The following CENPE variants were observed in gnomAD, a reference collection of about 807,000 sequenced individuals.
The protein encoded by CENPE is centromere protein E.
CENPE carries 145 observed loss-of-function variants against 336.1 expected under a neutral mutation model. The observed-to-expected ratio is 0.43, with a 90% confidence interval of 0.38 to 0.50. CENPE has a LOEUF of 0.50. Ranked by LOEUF, CENPE falls within the 20% of genes least tolerant of loss-of-function variation. The pLI is 0.00. For missense variants in CENPE, 2,719 were observed against 3,023.3 expected, an observed-to-expected ratio of 0.90 and a Z score of 2.36; for synonymous variants, 1,013 against 984.8, an observed-to-expected ratio of 1.03 and a Z score of -0.54.
At chr4:103,140,774 T>A in intron 36 of CENPE, 40 bp downstream of exon 36, 2 of 1,517,486 alleles carry the variant, frequency 1.3e-6, no homozygotes, top group South Asian at 2.7e-5. Context: ...TGCCCAAATA[T>A]GTGAATATAA....
At chr4:103,115,702 GTGA>G (rs1750033503) in intron 45 of CENPE, among the ~76,000 whole-genome samples, 1 of 151,846 alleles carries the variant, frequency 6.6e-6, no homozygotes, top group African/African-American at 2.4e-5. Flanking sequence ...ACAGTGTAAG[GTGA>G]TGCATTAGTA....
At chr4:103,125,848 C>A (rs1578560245) in intron 42 of CENPE, among the ~76,000 whole-genome samples, 1 of 118,974 alleles carries the variant, frequency 8.4e-6, no homozygotes. Flanking sequence ...GCCTGGGTGA[C>A]AGAGTGAGAC....
chr4:103,187,673 G>A (rs1416377787), intron 8 of CENPE, among the ~76,000 whole-genome samples: 3 of 152,124 alleles, frequency 2.0e-5, no homozygotes, highest in African/African-American at 4.8e-5. Context: ...AGGAACAACC[G>A]GTAATAGCCA....
At chr4:103,113,588 T>C (rs1749799692) in intron 46 of CENPE, among the ~76,000 whole-genome samples, 1 of 143,630 alleles carries the variant, frequency 7.0e-6, no homozygotes, top group African/African-American at 2.5e-5. Flanking sequence ...ATATTACTTA[T>C]ATATTACTCA....
At chr4:103,131,513 A>C (rs886766893) in intron 42 of CENPE, among the ~76,000 whole-genome samples, 2 of 152,176 alleles carry the variant, frequency 1.3e-5, no homozygotes, top group Non-Finnish European at 2.9e-5. Context: ...GGGAGTGCAA[A>C]ATGGTACCGC....
intron 28 of CENPE, among the ~76,000 whole-genome samples, chr4:103,148,625 T>C (rs1000640351): frequency 1.3e-5 from 2 of 152,210 alleles, no homozygotes; most frequent in Non-Finnish European, 2.9e-5. Flanking sequence ...AGCTACTTTC[T>C]TTCACTACAA....
At chr4:103,197,344 A>T (rs942591284) in intron 1 of CENPE, among the ~76,000 whole-genome samples, 1 of 152,208 alleles carries the variant, frequency 6.6e-6, no homozygotes, top group African/African-American at 2.4e-5. Context: ...TATTTCACTC[A>T]TGAAAAGCGT....
Position 103,146,665 on chromosome 4 carries a change from A to ATTT in CENPE, c.4135-559_4135-558insAAA, listed in dbSNP as rs1219500502. Among the ~76,000 whole-genome samples, 1,391 of 152,352 alleles carry ATTT rather than the reference A, an allele frequency of 9.1e-3. 19 individuals are homozygous for ATTT. Among genetic ancestry groups the ATTT allele is most frequent in the African/African-American group, 0.031 (1,285 of 41,588 alleles). On this transcript the variant is annotated intron_variant, in intron 29 of 48. Transcript: ENST00000265148. Reference sequence around the variant, plus strand: ...AATAAGACCGGCAAGATCTGCACCTAGGGCCTCATAGGCCACATAAAGGAT... The same window carrying ATTT: ...AATAAGACCGGCAAGATCTGCACCTATTTGGGCCTCATAGGCCACATAAAGGAT...
At position 103,163,117 on chromosome 4, in the gene CENPE, A is replaced by T. The variant is rs753765445; in HGVS notation, c.1842+20T>A. On this transcript the variant is annotated intron_variant, in intron 18 of 48. Transcript: ENST00000265148. The stretch of plus-strand genomic sequence containing the variant: ...ATATATATTTATGTGATTACACAAC[A>T]AAATACGCCTGATTTTTACCAATGA... The T allele has an allele frequency of 3.8e-6, 6 of 1,597,190 alleles. No homozygotes were observed. The highest frequency in any genetic ancestry group is 5.1e-6 in the Non-Finnish European group (6 of 1,173,478).
In CENPE at chr4:103,151,267, A is replaced by G. The variant is rs368329992; in HGVS notation, c.3348T>C (p.Ser1116=). The change falls in exon 26 of 49, where the codon TCT becomes TCC. Residue 1116 remains serine, a synonymous_variant. Transcript: ENST00000265148. ...CTTCTGCCAGTCTGTCACAGGTCCT[A>G]GAAAGCTCTCCTTCTTTCTTTATGG... ...NHAIKKEGEL[S]RTCDRLAEVE... 10 of 1,605,692 alleles carry G rather than the reference A, an allele frequency of 6.2e-6. No individual in the cohort carries two copies. In the African/African-American group the frequency reaches 1.3e-4, roughly 22 times the overall value.
intron 46 of CENPE, among the ~76,000 whole-genome samples, chr4:103,113,116 A>G (rs1444535962): frequency 5.3e-5 from 7 of 132,362 alleles, no homozygotes; most frequent in African/African-American, 1.7e-4. Flanking sequence ...ATATATACTT[A>G]TAAGTATATG....
In CENPE at chr4:103,181,460, GA is replaced by G. The variant is rs747346342; in HGVS notation, c.964-5del. The stretch of plus-strand genomic sequence containing the variant: ...TATATTTAGCAGTACTGGCAAACTG[GA>G]AAAAAAATACGAAAGTGCTAAGTGT... On this transcript the variant is annotated splice_region_variant and splice_polypyrimidine_tract_variant and intron_variant, in intron 11 of 48. Transcript: ENST00000265148. The G allele has an allele frequency of 5.9e-5, 91 of 1,546,662 alleles. No homozygotes were observed. The highest frequency in any genetic ancestry group is 3.3e-4 in the African/African-American group (23 of 70,112).
chr4:103,198,129 G>T, intron 1 of CENPE, 135 bp downstream of exon 1: 1 of 774,860 alleles, frequency 1.3e-6, no homozygotes, highest in African/African-American at 1.7e-5. Context: ...ACCCTGAAAC[G>T]ATGGCCAGCA....
intron 16 of CENPE, among the ~76,000 whole-genome samples, chr4:103,164,184 A>G (rs1754718152): frequency 6.6e-6 from 1 of 152,126 alleles, no homozygotes; most frequent in Non-Finnish European, 1.5e-5. Context: ...CAACCATGTA[A>G]AAGTATAAAG....
rs758590310 is a variant in CENPE, at chr4:103,147,580, T to C, written c.3910A>G (p.Thr1304Ala). Residue 1304 changes from threonine to alanine, a missense_variant, in exon 29 of 49, where the codon ACA (threonine) becomes GCA (alanine). By Grantham distance (58) the Thr-to-Ala change is moderately conservative (BLOSUM62 0). Transcript: ENST00000265148. ...NVKEVSETQE[T>A]MNELELLTEQ... ...GTTAATAACTCCAGTTCATTCATTG[T>C]TTCCTGAGTCTCACTGACTTCTTTC... 4 of 1,613,934 alleles carry C rather than the reference T, an allele frequency of 2.5e-6. 1 individual carries two copies. In the South Asian group the frequency reaches 4.4e-5, roughly 18 times the overall value.
chr4:103,133,453 G>A (rs930853400), intron 41 of CENPE, among the ~76,000 whole-genome samples: 5 of 152,180 alleles, frequency 3.3e-5, no homozygotes, highest in African/African-American at 4.8e-5. Context: ...CACATTCCAT[G>A]TGGAGTTGTT....
At chr4:103,112,141 T>C (rs1334844273) in intron 46 of CENPE, among the ~76,000 whole-genome samples, 1 of 151,196 alleles carries the variant, frequency 6.6e-6, no homozygotes, top group African/African-American at 2.4e-5. Context: ...AGCATAACTA[T>C]ATATATGTGT....
At chr4:103,115,825 G>A (rs1315292487) in intron 45 of CENPE, among the ~76,000 whole-genome samples, 2 of 150,638 alleles carry the variant, frequency 1.3e-5, no homozygotes, top group Non-Finnish European at 3.0e-5. Flanking sequence ...CCGCCTCCCG[G>A]GTTCACACCA....
chr4:103,185,148 T>C (rs1756656053), intron 9 of CENPE, among the ~76,000 whole-genome samples: 1 of 151,878 alleles, frequency 6.6e-6, no homozygotes, highest in Admixed American at 6.6e-5. Flanking sequence ...CTACTAAAAA[T>C]ACAAAAATTA....
Sources: gnomAD v4.1 joint callset for allele counts (sites outside exome capture counted in the v4.1 genomes callset) on GRCh38, gnomAD v4.1.1 for gene constraint, MANE v1.5 for transcripts, NCBI Gene and HGNC (gene_info 2026-07-23, HGNC 2026-07-21) for gene names.